Variants in CBFA2T2 observed in about 807,000 individuals in gnomAD.
The protein encoded by CBFA2T2 is protein CBFA2T2.
A neutral mutation model predicts 62.2 loss-of-function variants in CBFA2T2; 11 were observed. The observed-to-expected ratio is 0.18, with a 90% CI of 0.11 to 0.29. The LOEUF is 0.29. Among genes scored for constraint, CBFA2T2 ranks in the 10% least tolerant of loss-of-function variants. CBFA2T2 has a pLI of 1.00. For missense variants in CBFA2T2, 592 were observed against 774.1 expected (o/e 0.76, Z 2.79); for synonymous variants, 295 against 287.5 (o/e 1.03, Z -0.27).
In CBFA2T2 at chr20:33,606,941, T is replaced by C; in HGVS notation, c.35-15T>C. On this transcript the variant is annotated splice_polypyrimidine_tract_variant and intron_variant, in intron 1 of 10. Coordinates refer to ENST00000342704, the MANE Select transcript of CBFA2T2 (RefSeq NM_001032999.3). ...TTTAGAAAACCCTAACCTCCATTTCTCTGATTCTCTGCAGTTGGTCCTGAG... is the reference window on the plus strand; with the variant it reads ...TTTAGAAAACCCTAACCTCCATTTCCCTGATTCTCTGCAGTTGGTCCTGAG... The C allele has an allele frequency of 6.2e-7, 1 of 1,610,964 alleles. No individual in the cohort carries two copies. Among genetic ancestry groups the C allele is most frequent in the Non-Finnish European group, 8.5e-7 (1 of 1,178,474 alleles).
At chr20:33,563,279 G>T (rs2013157065) in intron 1 of CBFA2T2, among the ~76,000 whole-genome samples, 1 of 152,154 alleles carries the variant, frequency 6.6e-6, no homozygotes, top group Non-Finnish European at 1.5e-5. Flanking sequence ...GTTTGGGGTA[G>T]TTTTGTGATG....
chr20:33,573,776 G>A (rs545251861), intron 1 of CBFA2T2, among the ~76,000 whole-genome samples: 18 of 151,664 alleles, frequency 1.2e-4, no homozygotes, highest in Non-Finnish European at 2.2e-4. Context: ...CACCACACCC[G>A]GCCCTATTAT....
chr20:33,616,097 ATAGAT>A (rs2015700637), intron 3 of CBFA2T2, among the ~76,000 whole-genome samples: 1 of 145,158 alleles, frequency 6.9e-6, no homozygotes, highest in Non-Finnish European at 1.5e-5. Flanking sequence ...AGATAGATAG[ATAGAT>A]AGATAGATAG....
chr20:33,622,976 C>T (rs2016050214), intron 4 of CBFA2T2, 139 bp from the exon 5 acceptor site: 3 of 724,274 alleles, frequency 4.1e-6, no homozygotes, highest in Admixed American at 5.6e-5. Flanking sequence ...CATTGACTCA[C>T]AGAAGAAGCA....
chr20:33,498,440 T>TG (rs1375626661), intron 1 of CBFA2T2, among the ~76,000 whole-genome samples: 1 of 150,494 alleles, frequency 6.6e-6, no homozygotes, highest in Non-Finnish European at 1.5e-5. Flanking sequence ...TTAGTGGAGA[T>TG]GGGGGTTTCA....
intron 3 of CBFA2T2, chr20:33,618,462 C>G (rs2122319403): frequency 6.6e-6 from 1 of 152,210 alleles, no homozygotes; most frequent in East Asian, 1.9e-4. Flanking sequence ...GTTGCTGAGT[C>G]TCATTCCTAA....
At chr20:33,492,230 G>T (rs890376765) in intron 1 of CBFA2T2, among the ~76,000 whole-genome samples, 2 of 151,722 alleles carry the variant, frequency 1.3e-5, no homozygotes, top group Non-Finnish European at 2.9e-5. Flanking sequence ...TATTGGTCAG[G>T]CTGGTCTCGA....
At chr20:33,615,760 G>C (rs1298792665) in intron 3 of CBFA2T2, among the ~76,000 whole-genome samples, 1 of 151,976 alleles carries the variant, frequency 6.6e-6, no homozygotes, top group African/African-American at 2.4e-5. Flanking sequence ...AAAAGAGAGA[G>C]AGACTCTTAA....
rs1034403231 is a variant in CBFA2T2 at position 33,648,792 on chromosome 20, G to A, written c.*4146G>A. 1 of 152,282 alleles carries A rather than the reference G, an allele frequency of 6.6e-6. No individual in the cohort carries two copies. Among genetic ancestry groups the A allele is most frequent in the Non-Finnish European group, 1.5e-5 (1 of 68,084 alleles). 9.4% of individuals were successfully genotyped at this position (152,282 alleles called of 1,614,324 possible). A position where few individuals can be genotyped will look rare whatever the true frequency, so the allele number is the denominator to read the frequency against. On this transcript the variant is annotated 3_prime_UTR_variant, in exon 11 of 11. Transcript: ENST00000342704. The stretch of plus-strand genomic sequence containing the variant: ...CATTTGGGCCAGAAGGTCACCAGGA[G>A]TTCATCACTGCTTAGTGTCAACTTG...
intron 1 of CBFA2T2, among the ~76,000 whole-genome samples, chr20:33,539,081 A>T (rs909488726): frequency 6.6e-6 from 1 of 152,156 alleles, no homozygotes; most frequent in Non-Finnish European, 1.5e-5. Context: ...CCCACTTAAA[A>T]TTATAGTTGG....
At chr20:33,583,089 A>G (rs753820323) in intron 1 of CBFA2T2, among the ~76,000 whole-genome samples, 1 of 152,116 alleles carries the variant, frequency 6.6e-6, no homozygotes, top group African/African-American at 2.4e-5. Context: ...TTCCTTTTAC[A>G]TTATATCAAG....
At chr20:33,606,544 G>T (rs1381641539) in intron 1 of CBFA2T2, among the ~76,000 whole-genome samples, 1 of 152,156 alleles carries the variant, frequency 6.6e-6, no homozygotes, top group Non-Finnish European at 1.5e-5. Context: ...GCTGGTTGCT[G>T]GCACTCCTTG....
intron 1 of CBFA2T2, among the ~76,000 whole-genome samples, chr20:33,511,280 A>G (rs1181820763): frequency 6.6e-6 from 1 of 152,144 alleles, no homozygotes; most frequent in East Asian, 1.9e-4. Flanking sequence ...TCTAATATTT[A>G]AGTAGTTAGT....
intron 1 of CBFA2T2, among the ~76,000 whole-genome samples, chr20:33,503,323 C>T (rs1309737635): frequency 7.3e-6 from 1 of 137,842 alleles, no homozygotes; most frequent in East Asian, 2.2e-4. Flanking sequence ...GGCGCAATCT[C>T]AGCTCACTGC....
At chr20:33,607,161 C>T (rs1198814959) in intron 2 of CBFA2T2, 62 bp downstream of exon 2, 2 of 1,519,992 alleles carry the variant, frequency 1.3e-6, no homozygotes, top group African/African-American at 1.4e-5. Context: ...AAGTGACTGA[C>T]TTGTATGAAG....
intron 1 of CBFA2T2, among the ~76,000 whole-genome samples, chr20:33,512,135 G>A (rs911171554): frequency 6.6e-6 from 1 of 151,786 alleles, no homozygotes; most frequent in Admixed American, 6.6e-5. Flanking sequence ...TGAGATCTAC[G>A]CCACTGCACT....
At chr20:33,589,560 A>G (rs1020489623) in intron 1 of CBFA2T2, among the ~76,000 whole-genome samples, 1 of 152,186 alleles carries the variant, frequency 6.6e-6, no homozygotes, top group African/African-American at 2.4e-5. Flanking sequence ...TTTCTTTGTC[A>G]TGGGTCTGTA....
At position 33,623,183 on chromosome 20, in the gene CBFA2T2, G is replaced by T; in HGVS notation, c.579G>T (p.Gln193His). 1 of 1,614,232 alleles carries T rather than the reference G, an allele frequency of 6.2e-7. No individual in the cohort carries two copies. Among genetic ancestry groups the T allele is most frequent in the Non-Finnish European group, 8.5e-7 (1 of 1,180,042 alleles). The change falls in exon 5 of 11, where the codon CAG becomes CAT. Residue 193 changes from glutamine to histidine, a missense_variant. Around this residue, in one of 3 missense-constraint regions of CBFA2T2, gnomAD observed 449 missense variants for 551.2 expected, o/e 0.81. Coordinates refer to ENST00000342704, the MANE Select transcript of CBFA2T2 (RefSeq NM_001032999.3). Reference sequence around the variant, plus strand: ...GGGCGGCCAAGCAGACCCCATCCCAGTACCTGGCTCAGCACGAACACCTTC... The same window carrying T: ...GGGCGGCCAAGCAGACCCCATCCCATTACCTGGCTCAGCACGAACACCTTC... ...CARAAKQTPSQYLAQHEHLLL... is the reference protein window; with the variant it reads ...CARAAKQTPSHYLAQHEHLLL...
intron 8 of CBFA2T2, among the ~76,000 whole-genome samples, chr20:33,635,730 T>C (rs766113907): frequency 5.3e-5 from 8 of 151,990 alleles, no homozygotes; most frequent in Non-Finnish European, 8.8e-5. Flanking sequence ...GAAGGGAAAT[T>C]AGGCGGTCAT....
Sources: gnomAD v4.1 joint callset for allele counts (sites outside exome capture counted in the v4.1 genomes callset) on GRCh38, gnomAD v4.1.1 for gene constraint, gnomAD v4.1.1 regional missense constraint, MANE v1.5 for transcripts, NCBI Gene and HGNC (gene_info 2026-07-23, HGNC 2026-07-21) for gene names.